The following EFNA5 variants were observed in gnomAD, a reference collection of about 807,000 sequenced individuals.
EFNA5 encodes the protein ephrin-A5.
In EFNA5, 5 loss-of-function variants were observed where a neutral mutation model predicts 22.9. The ratio of observed to expected loss-of-function variants is 0.22; its 90% confidence interval spans 0.11 to 0.46. The LOEUF (loss-of-function observed/expected upper bound fraction) is 0.46. Among genes scored for constraint, EFNA5 ranks in the 20% least tolerant of loss-of-function variants. The pLI is 0.99. For missense variants in EFNA5, 237 were observed against 293.3 expected, an observed-to-expected ratio of 0.81 and a Z score of 1.40; for synonymous variants, 113 against 112.2, an observed-to-expected ratio of 1.01 and a Z score of -0.04.
rs1478907132 is a variant in EFNA5 at position 107,670,680 on chromosome 5, G to T, written c.-67C>A. ...GGAGAGAGCGGGGATCCGGAGGGAG[G>T]GAGGCAGGCAAAGGGACAGAGAGAG... On this transcript the variant is annotated 5_prime_UTR_variant, in exon 1 of 5. Coordinates refer to ENST00000333274, the MANE Select transcript of EFNA5 (RefSeq NM_001962.3). 16 of 1,562,774 alleles carry T rather than the reference G, an allele frequency of 1.0e-5. 1 individual carries two copies. In the Admixed American group the frequency reaches 2.7e-4, roughly 27 times the overall value.
At chr5:107,485,665 C>T (rs1272458291) in intron 1 of EFNA5, among the ~76,000 whole-genome samples, 2 of 152,134 alleles carry the variant, frequency 1.3e-5, no homozygotes, top group Admixed American at 6.6e-5. Context: ...GGGAACTAAT[C>T]GGAACTGGGG....
At chr5:107,487,778 G>A (rs1746681067) in intron 1 of EFNA5, among the ~76,000 whole-genome samples, 1 of 152,066 alleles carries the variant, frequency 6.6e-6, no homozygotes, top group Non-Finnish European at 1.5e-5. Context: ...TTGAAAACAG[G>A]GTTTGTGTCC....
chr5:107,658,648 G>A (rs1313161660), intron 1 of EFNA5, among the ~76,000 whole-genome samples: 2 of 152,104 alleles, frequency 1.3e-5, no homozygotes, highest in African/African-American at 4.8e-5. Context: ...TTGAAGAAGA[G>A]CCAGAAGTCA....
At chr5:107,479,056 G>C (rs1451309597) in intron 1 of EFNA5, among the ~76,000 whole-genome samples, 2 of 152,144 alleles carry the variant, frequency 1.3e-5, no homozygotes, top group South Asian at 2.1e-4. Context: ...GTAAATGACA[G>C]AGTCTGGAAT....
At chr5:107,518,615 G>A (rs1747532239) in intron 1 of EFNA5, among the ~76,000 whole-genome samples, 2 of 151,932 alleles carry the variant, frequency 1.3e-5, no homozygotes, top group South Asian at 2.1e-4. Context: ...CTCAGGGCAA[G>A]AATCTTCCTT....
chr5:107,578,959 A>G (rs1170204233), intron 1 of EFNA5, among the ~76,000 whole-genome samples: 1 of 152,176 alleles, frequency 6.6e-6, no homozygotes, highest in African/African-American at 2.4e-5. Context: ...CAACACAGTC[A>G]TAAGACAAAA....
At chr5:107,556,555 G>A (rs1337710219) in intron 1 of EFNA5, among the ~76,000 whole-genome samples, 1 of 151,948 alleles carries the variant, frequency 6.6e-6, no homozygotes, top group African/African-American at 2.4e-5. Flanking sequence ...AGACCAGCCT[G>A]GACAACATGA....
chr5:107,590,566 A>AT (rs764621262), intron 1 of EFNA5, among the ~76,000 whole-genome samples: 6 of 150,756 alleles, frequency 4.0e-5, no homozygotes, highest in Non-Finnish European at 5.9e-5. Flanking sequence ...TTTTTTTTCT[A>AT]TTTTTTTGTG....
chr5:107,443,931 T>C (rs1481887290), intron 1 of EFNA5, among the ~76,000 whole-genome samples: 1 of 152,164 alleles, frequency 6.6e-6, no homozygotes, highest in Non-Finnish European at 1.5e-5. Context: ...ACACTTGAAA[T>C]GCCTGAATGT....
rs190223938 is a variant in EFNA5 at position 107,437,469 on chromosome 5, G to A, written c.126-9960C>T. 1.1e-3 allele frequency among the ~76,000 whole-genome samples: 174 copies of A among 152,318 alleles called. 1 individual carries two copies. The highest frequency in any genetic ancestry group is 3.3e-3 in the African/African-American group (137 of 41,568). ...AGTCATTAGAAACGAGGTGGTGATC[G>A]TAGTCATAAAAAGTACTGAATTCAT... On this transcript the variant is annotated intron_variant, in intron 1 of 4. Transcript: ENST00000333274.
At chr5:107,670,026 A>G in intron 1 of EFNA5, among the ~76,000 whole-genome samples, 1 of 76,110 alleles carries the variant, frequency 1.3e-5, no homozygotes, top group East Asian at 4.4e-4. Context: ...GGGAAAATTA[A>G]AATTAAAAAA....
intron 1 of EFNA5, among the ~76,000 whole-genome samples, chr5:107,594,751 G>C (rs1369865303): frequency 6.6e-6 from 1 of 152,128 alleles, no homozygotes; most frequent in East Asian, 1.9e-4. Context: ...TATAGGCCTG[G>C]GGAAATGGGA....
At chr5:107,538,676 A>C (rs1439148491) in intron 1 of EFNA5, among the ~76,000 whole-genome samples, 3 of 152,234 alleles carry the variant, frequency 2.0e-5, no homozygotes, top group Non-Finnish European at 4.4e-5. Flanking sequence ...GGTGTAAGCC[A>C]TTGGAGATAC....
At chr5:107,651,197 G>T (rs990097706) in intron 1 of EFNA5, among the ~76,000 whole-genome samples, 2 of 152,112 alleles carry the variant, frequency 1.3e-5, no homozygotes, top group African/African-American at 2.4e-5. Context: ...GGGACCTTTG[G>T]CTAGTATAAA....
chr5:107,590,476 C>A (rs1749296397), intron 1 of EFNA5, among the ~76,000 whole-genome samples: 1 of 152,088 alleles, frequency 6.6e-6, no homozygotes, highest in Non-Finnish European at 1.5e-5. Context: ...TCAGCCTCAA[C>A]CTCCTGGGCT....
Position 107,380,604 on chromosome 5 carries a change from G to A in EFNA5, c.*651C>T, listed in dbSNP as rs536347213. On this transcript the variant is annotated 3_prime_UTR_variant, in exon 5 of 5. Transcript: ENST00000333274. ...AGAAAAAAAAAAAAGGCTTCTTTTA[G>A]AGAGCACAAGTTTTGCTGTCAAGAA... 1 of 363,462 alleles carries A rather than the reference G, an allele frequency of 2.8e-6. No homozygotes were observed. Among genetic ancestry groups the A allele is most frequent in the East Asian group, 4.0e-5 (1 of 25,016 alleles). 22.5% of individuals were successfully genotyped at this position (363,462 alleles called of 1,614,324 possible). A position where few individuals can be genotyped will look rare whatever the true frequency, so the allele number is the denominator to read the frequency against.
At chr5:107,593,877 C>T (rs1219641062) in intron 1 of EFNA5, among the ~76,000 whole-genome samples, 1 of 152,226 alleles carries the variant, frequency 6.6e-6, no homozygotes, top group East Asian at 1.9e-4. Flanking sequence ...CCATCATCTT[C>T]TTTCCACCTG....
chr5:107,388,837 C>T (rs1220452505), intron 2 of EFNA5, among the ~76,000 whole-genome samples: 2 of 152,162 alleles, frequency 1.3e-5, no homozygotes, highest in African/African-American at 2.4e-5. Context: ...AAAGAGGGAT[C>T]GGCATTTGGT....
intron 4 of EFNA5, among the ~76,000 whole-genome samples, chr5:107,382,916 A>G (rs1247441674): frequency 6.6e-6 from 1 of 152,208 alleles, no homozygotes; most frequent in Non-Finnish European, 1.5e-5. Context: ...TAATGGGTTA[A>G]CTAACCATTA....
Sources: gnomAD v4.1 joint callset for allele counts (sites outside exome capture counted in the v4.1 genomes callset) on GRCh38, gnomAD v4.1.1 for gene constraint, MANE v1.5 for transcripts, NCBI Gene and HGNC (gene_info 2026-07-23, HGNC 2026-07-21) for gene names.